The following SPMIP3 variants were observed in gnomAD, a reference collection of about 807,000 sequenced individuals.
SPMIP3 encodes the protein protein SPMIP3.
the SPMIP3 span, among the ~76,000 whole-genome samples, chr1:244,380,033 A>T: frequency 6.6e-6 from 1 of 151,472 alleles, no homozygotes; most frequent in Non-Finnish European, 1.5e-5. Context: ...GGACATGTAG[A>T]CACCAATTAA....
the SPMIP3 span, among the ~76,000 whole-genome samples, chr1:244,385,615 G>A: frequency 6.6e-6 from 1 of 152,066 alleles, no homozygotes; most frequent in Non-Finnish European, 1.5e-5. Flanking sequence ...TCTCACCTGC[G>A]AAAAGCATAA....
the SPMIP3 span, among the ~76,000 whole-genome samples, chr1:244,360,507 TATACACACAC>T: frequency 0.019 from 242 of 12,858 alleles, 3 homozygotes; most frequent in African/African-American, 0.049. Context: ...GAAAACGTGA[TATACACACAC>T]ACACACACAC....
chr1:244,361,971 C>T, the SPMIP3 span, among the ~76,000 whole-genome samples: 5 of 152,194 alleles, frequency 3.3e-5, no homozygotes, highest in Non-Finnish European at 7.3e-5. Context: ...GCTGTGTTTA[C>T]TCAGATTTTC....
At chr1:244,382,600 GTT>G in the SPMIP3 span, among the ~76,000 whole-genome samples, 553 of 106,008 alleles carry the variant, frequency 5.2e-3, 3 homozygotes, top group African/African-American at 0.018. Context: ...TCTGGCTGCT[GTT>G]TTTTTTTTTT....
At chr1:244,387,737 A>T in the SPMIP3 span, among the ~76,000 whole-genome samples, 2 of 152,146 alleles carry the variant, frequency 1.3e-5, no homozygotes, top group Non-Finnish European at 2.9e-5. Context: ...AAAGGATATC[A>T]GTGTTTCAGG....
chr1:244,375,740 C>T, the SPMIP3 span, among the ~76,000 whole-genome samples: 1 of 151,958 alleles, frequency 6.6e-6, no homozygotes, highest in African/African-American at 2.4e-5. Flanking sequence ...TCTTGCCTCA[C>T]CACAACCTCC....
At chr1:244,356,247 C>T in the SPMIP3 span, among the ~76,000 whole-genome samples, 60,411 of 151,684 alleles carry the variant, frequency 0.4, 12,541 homozygotes, top group Middle Eastern at 0.5. Flanking sequence ...CCATTATGTA[C>T]GATGCTAGCT....
At chr1:244,365,832 T>C in the SPMIP3 span, among the ~76,000 whole-genome samples, 3 of 152,194 alleles carry the variant, frequency 2.0e-5, no homozygotes, top group Non-Finnish European at 4.4e-5. Context: ...ACATTTTGGA[T>C]TGGACCATTT....
chr1:244,372,710 TG>T, the SPMIP3 span, among the ~76,000 whole-genome samples: 2 of 152,332 alleles, frequency 1.3e-5, no homozygotes, highest in East Asian at 1.9e-4. Flanking sequence ...CCCAAAGTGC[TG>T]GGATTACAGG....
At chr1:244,357,716 A>C in the SPMIP3 span, among the ~76,000 whole-genome samples, 1 of 151,294 alleles carries the variant, frequency 6.6e-6, no homozygotes, top group Admixed American at 6.6e-5. Context: ...TCAAAAAAAA[A>C]AAAAAAAAAA....
chr1:244,372,859 G>A, the SPMIP3 span, among the ~76,000 whole-genome samples: 2 of 152,170 alleles, frequency 1.3e-5, no homozygotes, highest in Non-Finnish European at 2.9e-5. Flanking sequence ...GCCATTTATT[G>A]TGTTCCCTCT....
At chr1:244,386,969 T>C in the SPMIP3 span, among the ~76,000 whole-genome samples, 1 of 152,244 alleles carries the variant, frequency 6.6e-6, no homozygotes, top group East Asian at 1.9e-4. Context: ...TGAATATTAA[T>C]GTAATAAACT....
chr1:244,389,160 T>C, the SPMIP3 span: 3 of 879,336 alleles, frequency 3.4e-6, no homozygotes, highest in Non-Finnish European at 5.5e-6. Flanking sequence ...AGTTTCAGTG[T>C]GTATACAGAT....
chr1:244,367,862 A>C, the SPMIP3 span, among the ~76,000 whole-genome samples: 12 of 152,204 alleles, frequency 7.9e-5, no homozygotes, highest in African/African-American at 2.9e-4. Context: ...GTGGGGAGAC[A>C]ATCAGGAAAT....
chr1:244,356,289 GAGAAGGTTCCCC>G, the SPMIP3 span, among the ~76,000 whole-genome samples: 3 of 152,160 alleles, frequency 2.0e-5, no homozygotes, highest in Non-Finnish European at 4.4e-5. Flanking sequence ...CTATCAGATT[GAGAAGGTTCCCC>G]ATAGTTTGCT....
the SPMIP3 span, chr1:244,352,854 C>A: frequency 6.6e-6 from 1 of 152,212 alleles, no homozygotes; most frequent in African/African-American, 2.4e-5. Context: ...CATAAAGAAA[C>A]TTCATGGCAA....
At chr1:244,369,365 T>TA in the SPMIP3 span, among the ~76,000 whole-genome samples, 3 of 150,244 alleles carry the variant, frequency 2.0e-5, no homozygotes, top group Non-Finnish European at 2.9e-5. Flanking sequence ...AATAGACTTT[T>TA]AAAACTTTGA....
At chr1:244,388,321 C>A in the SPMIP3 span, among the ~76,000 whole-genome samples, 2 of 151,958 alleles carry the variant, frequency 1.3e-5, no homozygotes, top group Non-Finnish European at 2.9e-5. Context: ...TTATTTATTC[C>A]TTAGGTCAGT....
the SPMIP3 span, among the ~76,000 whole-genome samples, chr1:244,371,580 T>C: frequency 1.3e-5 from 2 of 152,356 alleles, no homozygotes; most frequent in East Asian, 1.9e-4. Flanking sequence ...TGGGATTCTT[T>C]ATCCTCAAAT....
Sources: gnomAD v4.1 joint callset for allele counts (sites outside exome capture counted in the v4.1 genomes callset) on GRCh38, gnomAD v4.1.1 for gene constraint, MANE v1.5 for transcripts, NCBI Gene and HGNC (gene_info 2026-07-23, HGNC 2026-07-21) for gene names.